RANBP2: variants seen among roughly 807,000 people sequenced by gnomAD.
RANBP2 encodes the protein E3 SUMO-protein ligase RanBP2.
In RANBP2, 57 loss-of-function variants were observed where a neutral mutation model predicts 303.6. The ratio of observed to expected loss-of-function variants is 0.19; its 90% CI spans 0.15 to 0.23. The LOEUF (loss-of-function observed/expected upper bound fraction) is 0.23, where lower values mean the gene tolerates loss of function less well. RANBP2 is among the 10% of genes least tolerant of loss of function. The pLI is 1.00. For synonymous variants in RANBP2, 1,167 were observed against 1,301.5 expected (o/e 0.90, Z 2.23); for missense variants, 3,138 against 3,780.8 (o/e 0.83, Z 4.46).
the RANBP2 span, among the ~76,000 whole-genome samples, chr2:109,484,063 C>CTTT: frequency 1.4e-5 from 2 of 139,482 alleles, 1 homozygote. Context: ...ATCCTCTGGC[C>CTTT]TTTCTTTTTT....
chr2:108,856,719 G>A, the RANBP2 span: 9 of 1,369,790 alleles, frequency 6.6e-6, no homozygotes, highest in African/African-American at 4.5e-5. Flanking sequence ...TAACGACATT[G>A]CTTTTTTACC....
the RANBP2 span, among the ~76,000 whole-genome samples, chr2:109,627,832 ACGGT>A: frequency 1.3e-5 from 2 of 152,230 alleles, no homozygotes; most frequent in African/African-American, 4.8e-5. Flanking sequence ...TTGTAAATAG[ACGGT>A]CTATTCTCAT....
At chr2:109,033,740 G>C in the RANBP2 span, among the ~76,000 whole-genome samples, 1 of 150,336 alleles carries the variant, frequency 6.7e-6, no homozygotes, top group Non-Finnish European at 1.5e-5. Context: ...ATCATTTGAG[G>C]TCAGGAGTTC....
At chr2:109,710,310 A>G in the RANBP2 span, among the ~76,000 whole-genome samples, 187 of 150,950 alleles carry the variant, frequency 1.2e-3, no homozygotes, top group Non-Finnish European at 2.1e-3. Flanking sequence ...TCAACCCAGG[A>G]GGCGGAGGTT....
chr2:108,745,597 CT>C (rs4012074), intron 7 of RANBP2, among the ~76,000 whole-genome samples: 43,817 of 147,168 alleles, frequency 0.3, 7,301 homozygotes, highest in African/African-American at 0.46. Flanking sequence ...ATTCATCATG[CT>C]TTTTTTTTTT....
At chr2:108,906,629 C>T in the RANBP2 span, among the ~76,000 whole-genome samples, 1 of 152,220 alleles carries the variant, frequency 6.6e-6, no homozygotes, top group African/African-American at 2.4e-5. Flanking sequence ...CTTGGGGACA[C>T]CCCTGGCATC....
the RANBP2 span, among the ~76,000 whole-genome samples, chr2:109,405,054 A>G: frequency 0.016 from 2,365 of 146,102 alleles, 49 homozygotes; most frequent in African/African-American, 0.057. Flanking sequence ...CATCTACACA[A>G]ATACCCCCCA....
At chr2:108,825,787 A>T in the RANBP2 span, among the ~76,000 whole-genome samples, 3 of 152,060 alleles carry the variant, frequency 2.0e-5, no homozygotes, top group African/African-American at 4.8e-5. Flanking sequence ...GTATGCACAT[A>T]TTTTTTCATT....
chr2:109,690,871 A>G, the RANBP2 span, among the ~76,000 whole-genome samples: 1 of 152,144 alleles, frequency 6.6e-6, no homozygotes. Flanking sequence ...ATGTACACTC[A>G]GTAACTAGGG....
the RANBP2 span, among the ~76,000 whole-genome samples, chr2:109,027,905 A>T: frequency 6.6e-6 from 1 of 152,350 alleles, no homozygotes; most frequent in Non-Finnish European, 1.5e-5. Flanking sequence ...CAGAGGGAGC[A>T]CTGGGCTCTG....
At chr2:108,994,988 C>T in the RANBP2 span, among the ~76,000 whole-genome samples, 1 of 151,774 alleles carries the variant, frequency 6.6e-6, no homozygotes, top group Non-Finnish European at 1.5e-5. Context: ...CGCCACCACG[C>T]CTGGCTAATT....
At chr2:108,956,779 G>A in the RANBP2 span, among the ~76,000 whole-genome samples, 1 of 127,180 alleles carries the variant, frequency 7.9e-6, no homozygotes, top group Non-Finnish European at 1.5e-5. Flanking sequence ...AAAGGCGAAA[G>A]CTCTCTTTTT....
chr2:109,680,591 G>A, the RANBP2 span, among the ~76,000 whole-genome samples: 1 of 152,170 alleles, frequency 6.6e-6, no homozygotes, highest in South Asian at 2.1e-4. Flanking sequence ...TTCCCATGTG[G>A]GAATAGTTAA....
At chr2:108,894,507 TAA>T in the RANBP2 span, 5 of 152,566 alleles carry the variant, frequency 3.3e-5, no homozygotes, top group Non-Finnish European at 7.4e-5. Context: ...TAAAATATAA[TAA>T]GTTATATATA....
chr2:109,026,297 C>CTTTTTTCTT, the RANBP2 span, among the ~76,000 whole-genome samples: 1 of 93,426 alleles, frequency 1.1e-5, no homozygotes, highest in African/African-American at 4.1e-5. Flanking sequence ...CCATGCCTAG[C>CTTTTTTCTT]TTTTTTTTTT....
chr2:108,817,767 G>T, the RANBP2 span, among the ~76,000 whole-genome samples: 6 of 152,106 alleles, frequency 3.9e-5, no homozygotes, highest in Admixed American at 1.3e-4. Context: ...ATTGATTTTG[G>T]CTGGCTGAGA....
At chr2:109,522,257 C>A in the RANBP2 span, among the ~76,000 whole-genome samples, 1 of 151,846 alleles carries the variant, frequency 6.6e-6, no homozygotes, top group African/African-American at 2.4e-5. Context: ...TCCGGCCCCA[C>A]CCCAAAGGTT....
chr2:109,320,966 G>C, the RANBP2 span, among the ~76,000 whole-genome samples: 2 of 152,184 alleles, frequency 1.3e-5, no homozygotes, highest in Admixed American at 6.5e-5. Flanking sequence ...AGGGTTTTAG[G>C]ATATGGATTA....
At chr2:109,489,371 C>T in the RANBP2 span, among the ~76,000 whole-genome samples, 2 of 152,260 alleles carry the variant, frequency 1.3e-5, no homozygotes, top group Admixed American at 6.5e-5. Flanking sequence ...GGCATGTGGC[C>T]TGGGGGGACT....
Sources: gnomAD v4.1 joint callset for allele counts (sites outside exome capture counted in the v4.1 genomes callset) on GRCh38, gnomAD v4.1.1 for gene constraint, MANE v1.5 for transcripts, NCBI Gene and HGNC (gene_info 2026-07-23, HGNC 2026-07-21) for gene names.